CAMTA1: variants seen among roughly 807,000 people sequenced by gnomAD.
The protein encoded by CAMTA1 is calmodulin-binding transcription activator 1.
In CAMTA1, 27 loss-of-function variants were observed where a neutral mutation model predicts 170.9. The observed-to-expected ratio is 0.16, with a 90% CI of 0.12 to 0.22. The LOEUF is 0.22. CAMTA1 is among the 10% of genes least tolerant of loss of function. CAMTA1 has a pLI of 1.00. For missense variants in CAMTA1, 1,619 were observed against 2,217.2 expected (o/e 0.73, Z 5.42); for synonymous variants, 833 against 891.5 (o/e 0.93, Z 1.17).
At chr1:6,999,879 A>G (rs2100601634) in intron 3 of CAMTA1, among the ~76,000 whole-genome samples, 1 of 152,146 alleles carries the variant, frequency 6.6e-6, no homozygotes, top group East Asian at 1.9e-4. Context: ...TCATTCCCTG[A>G]TTTCAGTCTG....
chr1:7,035,554 T>C (rs1250117453), intron 3 of CAMTA1, among the ~76,000 whole-genome samples: 2 of 152,254 alleles, frequency 1.3e-5, no homozygotes, highest in African/African-American at 4.8e-5. Context: ...CCTTGATTTG[T>C]GGTGAGGCCC....
At chr1:7,335,780 A>G (rs2083344506) in intron 5 of CAMTA1, among the ~76,000 whole-genome samples, 1 of 152,022 alleles carries the variant, frequency 6.6e-6, no homozygotes, top group African/African-American at 2.4e-5. Context: ...GTTAAAAAAA[A>G]AAAAAAAGGC....
intron 5 of CAMTA1, among the ~76,000 whole-genome samples, chr1:7,418,938 G>A (rs1468915268): frequency 6.6e-6 from 1 of 151,558 alleles, no homozygotes; most frequent in African/African-American, 2.4e-5. Context: ...TGCAGCCAGA[G>A]GGATCTTCAG....
intron 22 of CAMTA1, among the ~76,000 whole-genome samples, chr1:7,760,907 A>G (rs1456308392): frequency 2.0e-5 from 3 of 152,242 alleles, no homozygotes; most frequent in Non-Finnish European, 4.4e-5. Context: ...GAGTAGATGT[A>G]ATGAAGCAGC....
chr1:7,427,506 G>A (rs866427332), intron 5 of CAMTA1, among the ~76,000 whole-genome samples: 1 of 152,116 alleles, frequency 6.6e-6, no homozygotes, highest in Non-Finnish European at 1.5e-5. Flanking sequence ...TTTAGTACGG[G>A]GCTACACAAT....
intron 6 of CAMTA1, among the ~76,000 whole-genome samples, chr1:7,556,538 T>C (rs951686162): frequency 7.2e-5 from 11 of 152,324 alleles, no homozygotes; most frequent in Admixed American, 7.2e-4. Flanking sequence ...ATTACAGCCA[T>C]GCACACGCAC....
At chr1:7,587,388 A>G (rs571453150) in intron 6 of CAMTA1, among the ~76,000 whole-genome samples, 198 of 151,714 alleles carry the variant, frequency 1.3e-3, no homozygotes, top group Non-Finnish European at 2.3e-3. Flanking sequence ...TCTAAACCCA[A>G]TTACCGGGAG....
intron 4 of CAMTA1, among the ~76,000 whole-genome samples, chr1:7,135,031 G>C (rs1449957806): frequency 6.6e-6 from 1 of 152,098 alleles, no homozygotes; most frequent in Non-Finnish European, 1.5e-5. Flanking sequence ...AATCATCAGA[G>C]AGATACAAAT....
intron 6 of CAMTA1, among the ~76,000 whole-genome samples, chr1:7,557,522 C>T (rs1398152773): frequency 1.3e-5 from 2 of 152,128 alleles, no homozygotes; most frequent in Non-Finnish European, 2.9e-5. Context: ...CTTTAGAGGT[C>T]TTTATTTTCT....
At chr1:6,816,616 C>T (rs1486948913) in intron 1 of CAMTA1, among the ~76,000 whole-genome samples, 1 of 152,214 alleles carries the variant, frequency 6.6e-6, no homozygotes, top group African/African-American at 2.4e-5. Context: ...GACTTGAACC[C>T]AGATCTGACT....
In CAMTA1 at chr1:7,249,074, T is replaced by C. The variant is rs1379517169; in HGVS notation, c.303-417T>C. Among the ~76,000 whole-genome samples the C allele has an allele frequency of 6.6e-6, 1 of 152,210 alleles. No individual in the cohort carries two copies. The highest frequency in any genetic ancestry group is 1.5e-5 in the Non-Finnish European group (1 of 68,046). ...TGCGTTAAACTTATTTATTTCCTAA[T>C]GCTGGGTGATGGATTAAAAGATGTG... On this transcript the variant is annotated intron_variant, in intron 4 of 22. Transcript: ENST00000303635. This position sits in a 1 kb window ranked among gnomAD's most constrained non-coding sequence, Gnocchi z 4.4.
chr1:7,258,617 A>G (rs1574259306), intron 5 of CAMTA1, among the ~76,000 whole-genome samples: 1 of 152,222 alleles, frequency 6.6e-6, no homozygotes, highest in East Asian at 1.9e-4. Flanking sequence ...CAGGCATTGG[A>G]AGACCATAAT....
chr1:6,791,972 CTT>C (rs112975416), intron 1 of CAMTA1, among the ~76,000 whole-genome samples: 8 of 143,446 alleles, frequency 5.6e-5, no homozygotes, highest in Non-Finnish European at 4.6e-5. Context: ...TGTTTCTTTT[CTT>C]TTTTTTTTTT....
At position 7,635,427 on chromosome 1, in the gene CAMTA1, G is replaced by A. The variant is rs1166965229; in HGVS notation, c.511-4973G>A. On this transcript the variant is annotated intron_variant, in intron 6 of 22. Transcript: ENST00000303635. This position sits in a 1 kb window ranked among gnomAD's most constrained non-coding sequence, Gnocchi z 4.4. ...CCGAGACTATCCTGGCTAACACGGTGAAACCCCGTCTCTACTAAAAAATAC... is the reference window on the plus strand; with the variant it reads ...CCGAGACTATCCTGGCTAACACGGTAAAACCCCGTCTCTACTAAAAAATAC... Among the ~76,000 whole-genome samples the A allele has an allele frequency of 1.3e-5, 2 of 152,000 alleles. No individual in the cohort carries two copies. Among genetic ancestry groups the A allele is most frequent in the Non-Finnish European group, 2.9e-5 (2 of 67,996 alleles).
Position 7,745,857 on chromosome 1 carries a change from C to T in CAMTA1, c.4383C>T (p.Asn1461=), listed in dbSNP as rs754032658. The change falls in exon 18 of 23, where the codon AAC becomes AAT. Residue 1461 remains asparagine (N), a synonymous_variant. Coordinates refer to ENST00000303635, the MANE Select transcript of CAMTA1 (RefSeq NM_015215.4). The part of the protein sequence containing the change: ...PSAAQIRSAY[N]EPLTPSSNTS... Reference sequence around the variant, plus strand: ...CCTCTTGTTTCAGAAGTGCATATAACGAGCCTCTAACCCCTTCTTCTAATA... The same window carrying T: ...CCTCTTGTTTCAGAAGTGCATATAATGAGCCTCTAACCCCTTCTTCTAATA... 2.3e-5 allele frequency: 37 copies of T among 1,614,066 alleles called. No homozygotes were observed. In the East Asian group the frequency reaches 3.3e-4, roughly 15 times the overall value.
chr1:7,430,547 T>G (rs919818239), intron 5 of CAMTA1, among the ~76,000 whole-genome samples: 7 of 149,628 alleles, frequency 4.7e-5, no homozygotes, highest in African/African-American at 1.5e-4. Context: ...TGATGATGGG[T>G]ATGAGGATGA....
At chr1:7,028,746 C>T (rs1261554363) in intron 3 of CAMTA1, among the ~76,000 whole-genome samples, 2 of 152,162 alleles carry the variant, frequency 1.3e-5, no homozygotes, top group Non-Finnish European at 2.9e-5. Context: ...TTTGCCTGTC[C>T]TTTGCACGTG....
Position 7,664,715 on chromosome 1 carries a change from C to G in CAMTA1, c.2168C>G (p.Thr723Ser). 1 of 1,608,646 alleles carries G rather than the reference C, an allele frequency of 6.2e-7. No homozygotes were observed. Among genetic ancestry groups the G allele is most frequent in the Non-Finnish European group, 8.5e-7 (1 of 1,176,486 alleles). Residue 723 changes from threonine to serine, a missense_variant, in exon 9 of 23, where the codon ACC (threonine) becomes AGC (serine). Thr to Ser is a moderately conservative substitution (Grantham distance 58). Coordinates refer to ENST00000303635, the MANE Select transcript of CAMTA1 (RefSeq NM_015215.4). ...TCTGAGCACTACCTGCAGCCGGAGA[C>G]CAACGGGGTAATCCGAAGCGCCGGC... The part of the protein sequence containing the change: ...CSSEHYLQPE[T>S]NGVIRSAGGV...
intron 5 of CAMTA1, among the ~76,000 whole-genome samples, chr1:7,409,460 C>A (rs574810303): frequency 6.6e-5 from 10 of 152,314 alleles, no homozygotes; most frequent in Non-Finnish European, 1.2e-4. Flanking sequence ...AGAGCCTGGC[C>A]AGTGGGAAAT....
Sources: gnomAD v4.1 joint callset for allele counts (sites outside exome capture counted in the v4.1 genomes callset) on GRCh38, gnomAD v4.1.1 for gene constraint, Gnocchi (gnomAD v3.1) non-coding constraint, MANE v1.5 for transcripts, NCBI Gene and HGNC (gene_info 2026-07-23, HGNC 2026-07-21) for gene names.